The following DRGX variants were observed in gnomAD, a reference collection of about 807,000 sequenced individuals.
The protein encoded by DRGX is dorsal root ganglia homeobox.
A neutral mutation model predicts 28.6 loss-of-function variants in DRGX; 21 were observed. The ratio of observed to expected loss-of-function variants is 0.73; its 90% confidence interval spans 0.52 to 1.06. The LOEUF (loss-of-function observed/expected upper bound fraction) is 1.06, where lower values mean the gene tolerates loss of function less well. DRGX is among the 50% of genes least tolerant of loss of function. The probability of loss-of-function intolerance (pLI) is 0.00; values close to 1 mark genes in which losing one functional copy is unlikely to be tolerated. For missense variants in DRGX, 354 were observed against 343.9 expected (o/e 1.03, Z -0.23); for synonymous variants, 136 against 139.1 (o/e 0.98, Z 0.16).
rs1849834970 is a variant in DRGX, at chr10:49,386,380, C to T, written c.526+98G>A. 4 of 1,075,502 alleles carry T rather than the reference C, an allele frequency of 3.7e-6. No individual in the cohort carries two copies. The South Asian group carries it at 6.7e-5, about 18-fold the overall frequency. 66.6% of individuals were successfully genotyped at this position (1,075,502 alleles called of 1,614,324 possible). On this transcript the variant is annotated intron_variant, in intron 6 of 6. Coordinates refer to ENST00000374139, the MANE Select transcript of DRGX (RefSeq NM_001276451.2). ...AGGAGGCGAGGAAGCTGCACAGGCC[C>T]AGGTGCAAGGACGGCCGAGCCAAGA...
chr10:49,367,079 G>A (rs1348510610), intron 6 of DRGX, among the ~76,000 whole-genome samples: 2 of 152,226 alleles, frequency 1.3e-5, no homozygotes, highest in African/African-American at 2.4e-5. Flanking sequence ...AAAGCAGTCA[G>A]GTACAGTGGC....
At chr10:49,369,853 G>A (rs1849636211) in intron 6 of DRGX, among the ~76,000 whole-genome samples, 1 of 152,048 alleles carries the variant, frequency 6.6e-6, no homozygotes, top group African/African-American at 2.4e-5. Context: ...ACACAGGGCA[G>A]CCTGGCCTGT....
At chr10:49,372,878 T>C (rs1209709230) in intron 6 of DRGX, among the ~76,000 whole-genome samples, 2 of 152,208 alleles carry the variant, frequency 1.3e-5, no homozygotes, top group African/African-American at 2.4e-5. Flanking sequence ...CCAAGAGAAT[T>C]TTGAAGAGTA....
intron 6 of DRGX, among the ~76,000 whole-genome samples, chr10:49,384,136 A>G (rs1424430368): frequency 6.6e-6 from 1 of 152,236 alleles, no homozygotes; most frequent in African/African-American, 2.4e-5. Flanking sequence ...GGTGGTAGCA[A>G]CATGTGCCTT....
At position 49,369,363 on chromosome 10, in the gene DRGX, G is replaced by A. The variant is rs754356918; in HGVS notation, c.527-2982C>T. The stretch of plus-strand genomic sequence containing the variant: ...GAAACTGAGGACCAAGTGAAGCCAA[G>A]GACCCTGTGGTTAAAAACCGTAAGG... On this transcript the variant is annotated intron_variant, in intron 6 of 6. Coordinates refer to ENST00000374139, the MANE Select transcript of DRGX (RefSeq NM_001276451.2). Among the ~76,000 whole-genome samples the A allele has an allele frequency of 2.0e-5, 3 of 152,204 alleles. No homozygotes were observed. The South Asian group carries it at 6.2e-4, about 31-fold the overall frequency.
intron 6 of DRGX, among the ~76,000 whole-genome samples, chr10:49,379,109 T>C (rs1221345091): frequency 1.3e-5 from 2 of 152,204 alleles, no homozygotes; most frequent in African/African-American, 4.8e-5. Context: ...GCAAATATTC[T>C]GAAATCCAAA....
chr10:49,373,770 A>C (rs949296228), intron 6 of DRGX, among the ~76,000 whole-genome samples: 2 of 152,354 alleles, frequency 1.3e-5, no homozygotes, highest in South Asian at 4.1e-4. Context: ...TAGTTATAGC[A>C]GCCCAAATGG....
chr10:49,371,295 T>A (rs1232904946), intron 6 of DRGX, among the ~76,000 whole-genome samples: 1 of 152,156 alleles, frequency 6.6e-6, no homozygotes, highest in Non-Finnish European at 1.5e-5. Flanking sequence ...GGGTGACTCA[T>A]TAGTAAATAG....
chr10:49,383,194 T>C (rs1033551550), intron 6 of DRGX, among the ~76,000 whole-genome samples: 9 of 152,308 alleles, frequency 5.9e-5, no homozygotes, highest in Non-Finnish European at 1.0e-4. Context: ...CACCCACTGG[T>C]TGTACAACTA....
intron 6 of DRGX, among the ~76,000 whole-genome samples, chr10:49,385,496 C>T (rs534242436): frequency 1.2e-3 from 182 of 152,314 alleles, no homozygotes; most frequent in African/African-American, 3.7e-3. Flanking sequence ...CTCCTTCTTC[C>T]TGGACACTGT....
At chr10:49,395,806 C>T (rs941848136) in intron 1 of DRGX, 129 bp downstream of exon 1, 26 of 321,280 alleles carry the variant, frequency 8.1e-5, no homozygotes, top group Middle Eastern at 9.5e-4. Context: ...AGCCCTGCAC[C>T]CGGGCCACCG....
At chr10:49,386,254 G>A (rs934293578) in intron 6 of DRGX, among the ~76,000 whole-genome samples, 5 of 152,198 alleles carry the variant, frequency 3.3e-5, no homozygotes, top group East Asian at 1.9e-4. Context: ...AGCCCTCTGT[G>A]GGTGGAATGA....
chr10:49,389,210 G>A (rs1849872215), intron 4 of DRGX, among the ~76,000 whole-genome samples: 1 of 152,034 alleles, frequency 6.6e-6, no homozygotes, highest in African/African-American at 2.4e-5. Context: ...TGATTATAGG[G>A]GAAATAATTT....
chr10:49,383,294 C>T (rs77598390), intron 6 of DRGX, among the ~76,000 whole-genome samples: 7,062 of 152,280 alleles, frequency 0.046, 560 homozygotes, highest in African/African-American at 0.16. Context: ...TTTCCATAAT[C>T]GCTCACTTGC....
intron 6 of DRGX, among the ~76,000 whole-genome samples, chr10:49,377,189 A>G (rs1048942693): frequency 6.6e-6 from 1 of 152,152 alleles, no homozygotes; most frequent in African/African-American, 2.4e-5. Context: ...GCAACACAAG[A>G]TTCTTTCCTT....
intron 6 of DRGX, 117 bp downstream of exon 6, chr10:49,386,361 C>T (rs557295558): frequency 9.4e-6 from 8 of 850,166 alleles, no homozygotes; most frequent in South Asian, 3.8e-5. Flanking sequence ...TGACAGGAGG[C>T]GAGGAAGCTG....
At chr10:49,367,547 C>T (rs897929258) in intron 6 of DRGX, among the ~76,000 whole-genome samples, 1 of 152,164 alleles carries the variant, frequency 6.6e-6, no homozygotes, top group African/African-American at 2.4e-5. Flanking sequence ...TTATGGCCCA[C>T]AGGTGTCATG....
At chr10:49,389,940 A>C (rs1046424359) in intron 4 of DRGX, among the ~76,000 whole-genome samples, 193 bp downstream of exon 4, 5 of 151,870 alleles carry the variant, frequency 3.3e-5, no homozygotes, top group African/African-American at 1.2e-4. Flanking sequence ...ATCACTAGTT[A>C]ATTATGAATG....
Position 49,387,926 on chromosome 10 carries a change from A to C in DRGX, c.235-1068T>G, listed in dbSNP as rs554440124. On this transcript the variant is annotated intron_variant, in intron 4 of 6. Coordinates refer to ENST00000374139, the MANE Select transcript of DRGX (RefSeq NM_001276451.2). ...ATGGCTTGGCTGGGAACTGTGATTC[A>C]AACTGTTTGGGGGTAATAACTGTGG... Among the ~76,000 whole-genome samples, 13 of 152,296 alleles carry C rather than the reference A, an allele frequency of 8.5e-5. No homozygotes were observed. In the South Asian group the frequency reaches 2.7e-3, roughly 32 times the overall value.
Sources: gnomAD v4.1 joint callset for allele counts (sites outside exome capture counted in the v4.1 genomes callset) on GRCh38, gnomAD v4.1.1 for gene constraint, MANE v1.5 for transcripts, NCBI Gene and HGNC (gene_info 2026-07-23, HGNC 2026-07-21) for gene names.